The following FOXP1 variants were observed in gnomAD, a reference collection of about 807,000 sequenced individuals.
The protein encoded by FOXP1 is forkhead box P1.
FOXP1 carries 15 observed loss-of-function variants against 98.2 expected under a neutral mutation model. The ratio of observed to expected loss-of-function variants is 0.15; its 90% confidence interval spans 0.10 to 0.24. The LOEUF (loss-of-function observed/expected upper bound fraction) is 0.24. FOXP1 is among the 10% of genes least tolerant of loss of function. The pLI, the probability that FOXP1 is intolerant of heterozygous loss-of-function variation, is 1.00. For missense variants in FOXP1, 633 were observed against 848.5 expected, an observed-to-expected ratio of 0.75 and a Z score of 3.15; for synonymous variants, 371 against 314.5, an observed-to-expected ratio of 1.18 and a Z score of -1.90.
chr3:71,023,858 T>C (rs953741608), intron 11 of FOXP1, among the ~76,000 whole-genome samples: 2 of 152,192 alleles, frequency 1.3e-5, no homozygotes, highest in African/African-American at 2.4e-5. Context: ...TGAAATATGC[T>C]CAGTCACACA....
At chr3:71,097,395 G>A (rs978478232) in intron 7 of FOXP1, among the ~76,000 whole-genome samples, 25 of 152,176 alleles carry the variant, frequency 1.6e-4, no homozygotes, top group Admixed American at 6.5e-5. Flanking sequence ...AGTTGCCACA[G>A]AGACAGTATG....
chr3:71,370,583 G>A (rs969092467), intron 3 of FOXP1, among the ~76,000 whole-genome samples: 3 of 152,070 alleles, frequency 2.0e-5, no homozygotes, highest in Non-Finnish European at 2.9e-5. Context: ...GATCGGCACC[G>A]GGGCACCACT....
intron 2 of FOXP1, among the ~76,000 whole-genome samples, chr3:71,530,448 T>C (rs1196235590): frequency 6.6e-6 from 1 of 152,200 alleles, no homozygotes; most frequent in Non-Finnish European, 1.5e-5. Flanking sequence ...CCTTTATTAA[T>C]GATCCAGTCT....
At chr3:71,325,042 A>G (rs1000837748) in intron 4 of FOXP1, among the ~76,000 whole-genome samples, 2 of 145,794 alleles carry the variant, frequency 1.4e-5, no homozygotes, top group Admixed American at 1.5e-4. Context: ...TGCTGTAGGT[A>G]TAATCCCTTG....
intron 12 of FOXP1, among the ~76,000 whole-genome samples, chr3:71,001,675 A>C (rs937318154): frequency 6.6e-6 from 1 of 152,216 alleles, no homozygotes; most frequent in Admixed American, 6.5e-5. Flanking sequence ...CTAGATATCC[A>C]GTTTACGGAT....
At chr3:71,232,877 C>CCA (rs1553791711) in intron 5 of FOXP1, among the ~76,000 whole-genome samples, 1 of 31,422 alleles carries the variant, frequency 3.2e-5, no homozygotes, top group African/African-American at 1.1e-4. Flanking sequence ...AACTCTGTCT[C>CCA]AAAAAAAAAA....
rs1441460808 is a variant in FOXP1, at chr3:71,397,016, A to ATATACATATATATGTG, written c.-167-37773_-167-37772insCACATATATATGTATA. On this transcript the variant is annotated intron_variant, in intron 3 of 20. Transcript: ENST00000649528. ...TATACACATATATATGTGTATATAT[A>ATATACATATATATGTG]TATATATACATATATATGTGTATAT... is the stretch of plus-strand genomic sequence containing the variant. Among the ~76,000 whole-genome samples, 209 of 83,272 alleles carry ATATACATATATATGTG rather than the reference A, an allele frequency of 2.5e-3. 44 individuals are homozygous for ATATACATATATATGTG. Among genetic ancestry groups the ATATACATATATATGTG allele is most frequent in the Non-Finnish European group, 3.4e-3 (144 of 41,840 alleles). The allele number at this position is 83,272 out of a possible 152,430, so 54.6% of individuals were successfully genotyped here. A position where few individuals can be genotyped will look rare whatever the true frequency, so the allele number is the denominator to read the frequency against.
chr3:71,291,624 CAGA>C (rs771351731), intron 5 of FOXP1, among the ~76,000 whole-genome samples: 11 of 151,958 alleles, frequency 7.2e-5, no homozygotes, highest in Non-Finnish European at 1.3e-4. Flanking sequence ...TCATATGTTT[CAGA>C]AGTTTTACTG....
At chr3:71,062,627 A>G (rs72947412) in intron 7 of FOXP1, among the ~76,000 whole-genome samples, 14,111 of 152,222 alleles carry the variant, frequency 0.093, 2,164 homozygotes, top group African/African-American at 0.32. Flanking sequence ...AAAATGTTTA[A>G]TAACACAACA....
At chr3:71,503,458 G>A (rs1031908551) in intron 2 of FOXP1, among the ~76,000 whole-genome samples, 2 of 152,150 alleles carry the variant, frequency 1.3e-5, no homozygotes, top group African/African-American at 4.8e-5. Context: ...AAAATTAGCT[G>A]GATGTGGTGG....
At chr3:71,523,507 C>T (rs766152868) in intron 2 of FOXP1, among the ~76,000 whole-genome samples, 7 of 152,090 alleles carry the variant, frequency 4.6e-5, no homozygotes, top group Admixed American at 2.6e-4. Context: ...AGCCAAGATG[C>T]CAATATATTG....
At chr3:71,048,119 A>C (rs906183886) in intron 9 of FOXP1, among the ~76,000 whole-genome samples, 1 of 152,008 alleles carries the variant, frequency 6.6e-6, no homozygotes, top group African/African-American at 2.4e-5. Context: ...AAGGAAAACT[A>C]ACCCTTCCCA....
At chr3:71,082,147 C>G (rs1027151894) in intron 7 of FOXP1, among the ~76,000 whole-genome samples, 1 of 152,018 alleles carries the variant, frequency 6.6e-6, no homozygotes, top group Non-Finnish European at 1.5e-5. Context: ...GGCGTGGTGG[C>G]GCACGCCTGT....
intron 2 of FOXP1, among the ~76,000 whole-genome samples, chr3:71,568,284 T>G (rs1459256626): frequency 6.6e-6 from 1 of 152,106 alleles, no homozygotes; most frequent in African/African-American, 2.4e-5. Context: ...GATTCAGCAA[T>G]AGAGTACACT....
chr3:71,462,017 C>T (rs181346732), intron 3 of FOXP1, among the ~76,000 whole-genome samples: 56 of 152,222 alleles, frequency 3.7e-4, no homozygotes, highest in Non-Finnish European at 6.0e-4. Flanking sequence ...CTAACAAGGA[C>T]GTCCCATAAA....
At chr3:71,382,926 G>T (rs575222228) in intron 3 of FOXP1, among the ~76,000 whole-genome samples, 1 of 152,336 alleles carries the variant, frequency 6.6e-6, no homozygotes, top group Admixed American at 6.5e-5. Flanking sequence ...GGCCTTGGGA[G>T]CCACTGTTCT....
At chr3:71,005,037 G>A (rs1490847844) in intron 12 of FOXP1, among the ~76,000 whole-genome samples, 3 of 152,030 alleles carry the variant, frequency 2.0e-5, no homozygotes, top group South Asian at 2.1e-4. Flanking sequence ...TTTCCAGACC[G>A]AAATTGATGC....
chr3:70,961,226 T>TTTTATTTA (rs767939984), intron 20 of FOXP1, among the ~76,000 whole-genome samples: 6 of 151,438 alleles, frequency 4.0e-5, no homozygotes, highest in African/African-American at 7.3e-5. Context: ...TCTCCAGCTA[T>TTTTATTTA]TTTATTTATT....
At chr3:71,025,428 C>A (rs1346838926) in intron 11 of FOXP1, among the ~76,000 whole-genome samples, 1 of 152,132 alleles carries the variant, frequency 6.6e-6, no homozygotes, top group African/African-American at 2.4e-5. Flanking sequence ...GTTCCCTGAT[C>A]TGTATCTGAC....
Sources: allele counts gnomAD v4.1 joint callset (sites outside exome capture counted in the v4.1 genomes callset), GRCh38; gene constraint gnomAD v4.1.1; transcripts MANE v1.5; gene names NCBI Gene and HGNC (gene_info 2026-07-23, HGNC 2026-07-21).